Variants in ATXN10 observed in about 807,000 individuals in gnomAD.
ATXN10 encodes ataxin 10.
In ATXN10, 28 loss-of-function variants were observed where a neutral mutation model predicts 52.9. The observed-to-expected ratio is 0.53, with a 90% CI of 0.39 to 0.73. ATXN10 has a LOEUF of 0.73. Ranked by LOEUF, ATXN10 falls within the 30% of genes least tolerant of loss-of-function variation. ATXN10 has a pLI of 0.00. For synonymous variants in ATXN10, 226 were observed against 221.5 expected (o/e 1.02, Z -0.18); for missense variants, 565 against 577.0 (o/e 0.98, Z 0.21).
rs1215695242 is a variant in ATXN10 at position 45,774,678 on chromosome 22, A to C, written c.1174-32281A>C. Among the ~76,000 whole-genome samples the C allele has an allele frequency of 6.6e-6, 1 of 152,144 alleles. No homozygotes were observed. The highest frequency in any genetic ancestry group is 2.1e-4 in the South Asian group (1 of 4,820). The stretch of plus-strand genomic sequence containing the variant: ...CTGGACGCGGTGGCTCACGCTTATA[A>C]TCCTAGCACTTTGGGAGGCTGAGGT... On this transcript the variant is annotated intron_variant, in intron 9 of 11. Coordinates refer to ENST00000252934, the MANE Select transcript of ATXN10 (RefSeq NM_013236.4). This position sits in a 1 kb window ranked among gnomAD's most constrained non-coding sequence, Gnocchi z 6.2.
rs1162012308 is a variant in ATXN10 at position 45,843,680 on chromosome 22, C to T, written c.*9C>T. 2 of 1,611,216 alleles carry T rather than the reference C, an allele frequency of 1.2e-6. No individual in the cohort carries two copies. The highest frequency in any genetic ancestry group is 1.7e-6 in the Non-Finnish European group (2 of 1,178,086). ...TTCTTCTTCTTTAGTGAATGAACTA[C>T]ATCCAAATACCTGAATTTTTGGAAT... On this transcript the variant is annotated 3_prime_UTR_variant, in exon 12 of 12. Coordinates refer to ENST00000252934, the MANE Select transcript of ATXN10 (RefSeq NM_013236.4). The surrounding 1 kb of genome is among the most constrained non-coding windows in gnomAD (Gnocchi z 4.5).
chr22:45,842,586 C>T lies in ATXN10; in HGVS notation c.1238-405C>T, dbSNP rs1316957900. The stretch of plus-strand genomic sequence containing the variant: ...TCTTTAGTGCTCTTCTTATTCTTTC[C>T]CTAGTGAGTCAGTAACATAATTATT... On this transcript the variant is annotated intron_variant, in intron 10 of 11. Transcript: ENST00000252934. This position sits in a 1 kb window ranked among gnomAD's most constrained non-coding sequence, Gnocchi z 4.8. 1.3e-5 allele frequency among the ~76,000 whole-genome samples: 2 copies of T among 152,098 alleles called. No homozygotes were observed. The highest frequency in any genetic ancestry group is 4.8e-5 in the African/African-American group (2 of 41,412).
At position 45,787,571 on chromosome 22, in the gene ATXN10, G is replaced by A. The variant is rs1927362859; in HGVS notation, c.1174-19388G>A. Among the ~76,000 whole-genome samples, 1 of 152,106 alleles carries A rather than the reference G, an allele frequency of 6.6e-6. No homozygotes were observed. Among genetic ancestry groups the A allele is most frequent in the African/African-American group, 2.4e-5 (1 of 41,390 alleles). ...GTATGGGAAGGAATGCTGTCCAGTCGTCTTGAGTTGAACGTTCTCATCAAT... is the reference window on the plus strand; with the variant it reads ...GTATGGGAAGGAATGCTGTCCAGTCATCTTGAGTTGAACGTTCTCATCAAT... On this transcript the variant is annotated intron_variant, in intron 9 of 11. Transcript: ENST00000252934. This position sits in a 1 kb window ranked among gnomAD's most constrained non-coding sequence, Gnocchi z 4.2.
chr22:45,675,999 A>C (rs2146721213), intron 1 of ATXN10: 1 of 152,272 alleles, frequency 6.6e-6, no homozygotes, highest in Non-Finnish European at 1.5e-5. Flanking sequence ...CGTATTTCAC[A>C]TTTGTTTAAC....
Position 45,740,446 on chromosome 22 carries a change from G to A in ATXN10, c.1081G>A (p.Gly361Ser), listed in dbSNP as rs1315940548. ...TAATTGTGGTTGCGTGAGAGCAGAA[G>A]GTGACATCTCCAATGTGGCCAATGG... ...FSNCGCVRAE[G>S]DISNVANGFK... is the part of the protein sequence containing the mutation. The change falls in exon 9 of 12, where the codon GGT becomes AGT. Residue 361 changes from glycine to serine, a missense_variant. By Grantham distance (56) the Gly-to-Ser change is moderately conservative. Transcript: ENST00000252934. The A allele has an allele frequency of 6.2e-7, 1 of 1,613,756 alleles. No individual in the cohort carries two copies. The highest frequency in any genetic ancestry group is 8.5e-7 in the Non-Finnish European group (1 of 1,179,920).
rs147070891 is a variant in ATXN10 at position 45,779,405 on chromosome 22, A to G, written c.1174-27554A>G. ...ACTCCAGAATATAATTCAGAAGACT[A>G]TAATTCAGAAGACTAAAGACGGACT... On this transcript the variant is annotated intron_variant, in intron 9 of 11. Coordinates refer to ENST00000252934, the MANE Select transcript of ATXN10 (RefSeq NM_013236.4). 3.2e-4 allele frequency among the ~76,000 whole-genome samples: 49 copies of G among 152,344 alleles called. 1 individual carries two copies. The East Asian group carries it at 7.1e-3, about 22-fold the overall frequency.
intron 10 of ATXN10, among the ~76,000 whole-genome samples, chr22:45,830,661 C>G (rs1196446306): frequency 6.6e-6 from 1 of 150,804 alleles, no homozygotes; most frequent in East Asian, 1.9e-4. Context: ...GATACCACCT[C>G]ACATCCATGA....
At chr22:45,815,977 C>T (rs1035590652) in intron 10 of ATXN10, among the ~76,000 whole-genome samples, 12 of 152,200 alleles carry the variant, frequency 7.9e-5, no homozygotes, top group African/African-American at 1.9e-4. Context: ...TGGCCAGGCG[C>T]GGTGGCTCCT....
Position 45,784,984 on chromosome 22 carries a change from T to C in ATXN10, c.1174-21975T>C, listed in dbSNP as rs191415562. On this transcript the variant is annotated intron_variant, in intron 9 of 11. Transcript: ENST00000252934. This position sits in a 1 kb window ranked among gnomAD's most constrained non-coding sequence, Gnocchi z 4.2. ...GTATGACATTGTAGATGATGCATTATGGGTGGGGATTGCACCCCAAGTAGC... is the reference window on the plus strand; with the variant it reads ...GTATGACATTGTAGATGATGCATTACGGGTGGGGATTGCACCCCAAGTAGC... Among the ~76,000 whole-genome samples, 22 of 152,350 alleles carry C rather than the reference T, an allele frequency of 1.4e-4. No homozygotes were observed. In the East Asian group the frequency reaches 4.0e-3, roughly 28 times the overall value.
At chr22:45,798,919 G>A (rs551194205) in intron 9 of ATXN10, among the ~76,000 whole-genome samples, 11 of 152,204 alleles carry the variant, frequency 7.2e-5, no homozygotes, top group African/African-American at 2.2e-4. Flanking sequence ...AAACTTTAAC[G>A]AAATATGTGC....
At chr22:45,810,550 T>C (rs1928248029) in intron 10 of ATXN10, among the ~76,000 whole-genome samples, 1 of 152,246 alleles carries the variant, frequency 6.6e-6, no homozygotes, top group African/African-American at 2.4e-5. Context: ...GAGTTATTCA[T>C]TGAAATTGCA....
Position 45,678,955 on chromosome 22 carries a change from A to G in ATXN10, c.116+6776A>G, listed in dbSNP as rs543678184. On this transcript the variant is annotated intron_variant, in intron 1 of 11. Transcript: ENST00000252934. This position sits in a 1 kb window ranked among gnomAD's most constrained non-coding sequence, Gnocchi z 4.1. ...ATGTATATTTGTAATTTATATTTAC[A>G]AAATAAATTTGTAAATTTGTAAATA... 97 of 152,352 alleles carry G rather than the reference A, an allele frequency of 6.4e-4. No homozygotes were observed. Among genetic ancestry groups the G allele is most frequent in the African/African-American group, 2.3e-3 (95 of 41,586 alleles). 9.4% of individuals were successfully genotyped at this position (152,352 alleles called of 1,614,324 possible). A position where few individuals can be genotyped will look rare whatever the true frequency, so the allele number is the denominator to read the frequency against.
rs187365693 is a variant in ATXN10, at chr22:45,794,974, G to A, written c.1174-11985G>A. The stretch of plus-strand genomic sequence containing the variant: ...AGTAATCATAATGGCAGTATATTAG[G>A]GGATTTTTAATGTGTATATAGAAGA... On this transcript the variant is annotated intron_variant, in intron 9 of 11. Coordinates refer to ENST00000252934, the MANE Select transcript of ATXN10 (RefSeq NM_013236.4). Among the ~76,000 whole-genome samples the A allele has an allele frequency of 1.7e-3, 264 of 152,186 alleles. 2 individuals are homozygous for A. The highest frequency in any genetic ancestry group is 2.6e-3 in the Non-Finnish European group (178 of 67,994).
intron 9 of ATXN10, among the ~76,000 whole-genome samples, chr22:45,745,734 C>T (rs2146809060): frequency 6.6e-6 from 1 of 152,236 alleles, no homozygotes; most frequent in African/African-American, 2.4e-5. Flanking sequence ...ACATAGTAGG[C>T]ATTCAGTAAA....
At chr22:45,808,312 A>G (rs1291835037) in intron 10 of ATXN10, among the ~76,000 whole-genome samples, 1 of 152,354 alleles carries the variant, frequency 6.6e-6, no homozygotes, top group African/African-American at 2.4e-5. Flanking sequence ...AATGAAAACG[A>G]TGATTTATTA....
At position 45,685,389 on chromosome 22, in the gene ATXN10, G is replaced by T. The variant is rs116450220; in HGVS notation, c.117-4323G>T. ...TTTGTAATAGGAATGTCTAACGGTT[G>T]AATTTTAATTGTCCTTGTAAGTACT... On this transcript the variant is annotated intron_variant, in intron 1 of 11. Transcript: ENST00000252934. Among the ~76,000 whole-genome samples, 1,171 of 152,242 alleles carry T rather than the reference G, an allele frequency of 7.7e-3. 11 individuals are homozygous for T. The highest frequency in any genetic ancestry group is 0.027 in the African/African-American group (1,113 of 41,548).
In ATXN10 at chr22:45,824,888, A is replaced by T. The variant is rs1928767486; in HGVS notation, c.1237+17866A>T. Reference sequence around the variant, plus strand: ...AAATTCATGGGTAGGAGGTCCCAGGAATCTCCTAGACAACATTTGTACTGA... The same window carrying T: ...AAATTCATGGGTAGGAGGTCCCAGGTATCTCCTAGACAACATTTGTACTGA... On this transcript the variant is annotated intron_variant, in intron 10 of 11. Transcript: ENST00000252934. This position sits in a 1 kb window ranked among gnomAD's most constrained non-coding sequence, Gnocchi z 5.2. Among the ~76,000 whole-genome samples, 1 of 152,204 alleles carries T rather than the reference A, an allele frequency of 6.6e-6. No individual in the cohort carries two copies. Among genetic ancestry groups the T allele is most frequent in the South Asian group, 2.1e-4 (1 of 4,816 alleles).
At chr22:45,814,205 GAA>G (rs1285718256) in intron 10 of ATXN10, among the ~76,000 whole-genome samples, 1 of 152,220 alleles carries the variant, frequency 6.6e-6, no homozygotes, top group Admixed American at 6.5e-5. Flanking sequence ...AACTGTAAGA[GAA>G]AGACTTTGAA....
rs1340208920 is a variant in ATXN10 at position 45,770,152 on chromosome 22, CAT to C, written c.1173+29615_1173+29616del. Among the ~76,000 whole-genome samples, 2 of 152,198 alleles carry C rather than the reference CAT, an allele frequency of 1.3e-5. No individual in the cohort carries two copies. The highest frequency in any genetic ancestry group is 4.8e-5 in the African/African-American group (2 of 41,440). ...GGAGAGGTGTTACTCCTGTCTTACACATGAGGACATGAGGAACCAAAGTCAAA... is the reference window on the plus strand; with the variant it reads ...GGAGAGGTGTTACTCCTGTCTTACACGAGGACATGAGGAACCAAAGTCAAA... On this transcript the variant is annotated intron_variant, in intron 9 of 11. Transcript: ENST00000252934. This position sits in a 1 kb window ranked among gnomAD's most constrained non-coding sequence, Gnocchi z 4.5.
Sources: gnomAD v4.1 joint callset for allele counts (sites outside exome capture counted in the v4.1 genomes callset) on GRCh38, gnomAD v4.1.1 for gene constraint, Gnocchi (gnomAD v3.1) non-coding constraint, MANE v1.5 for transcripts, NCBI Gene and HGNC (gene_info 2026-07-23, HGNC 2026-07-21) for gene names.